The following FAM234B variants were observed in gnomAD, a reference collection of about 807,000 sequenced individuals.
FAM234B encodes family with sequence similarity 234 member B.
In FAM234B, 33 loss-of-function variants were observed where a neutral mutation model predicts 69.3. The observed-to-expected ratio is 0.48, with a 90% confidence interval of 0.36 to 0.64. The LOEUF (loss-of-function observed/expected upper bound fraction) is 0.64. FAM234B is among the 30% of genes least tolerant of loss of function. FAM234B has a pLI of 0.00. For synonymous variants in FAM234B, 306 were observed against 306.9 expected (o/e 1.00, Z 0.03); for missense variants, 697 against 769.7 (o/e 0.91, Z 1.12).
intron 2 of FAM234B, 124 bp from the exon 3 acceptor site, chr12:13,058,327 G>A (rs988139057): frequency 5.3e-6 from 4 of 750,550 alleles, no homozygotes; most frequent in South Asian, 1.5e-5. Context: ...AGTAGGGAGA[G>A]GTGTGTCTAC....
At chr12:13,071,443 C>A in intron 10 of FAM234B, 47 bp downstream of exon 10, 1 of 1,557,312 alleles carries the variant, frequency 6.4e-7, no homozygotes, top group Non-Finnish European at 8.8e-7. Flanking sequence ...CAGATGGCAG[C>A]TGCTGTGCAG....
At chr12:13,063,543 G>C (rs1030972914) in intron 5 of FAM234B, among the ~76,000 whole-genome samples, 1 of 152,178 alleles carries the variant, frequency 6.6e-6, no homozygotes. Context: ...AAAGAAAGGA[G>C]TGTCATAATC....
intron 1 of FAM234B, among the ~76,000 whole-genome samples, chr12:13,048,070 A>C (rs1359042980): frequency 6.6e-6 from 1 of 152,226 alleles, no homozygotes; most frequent in Non-Finnish European, 1.5e-5. Context: ...CTGGCCAAGA[A>C]CTGGCCCCTA....
rs574160459 is a variant in FAM234B at position 13,055,585 on chromosome 12, A to G, written c.72A>G (p.Pro24=). The change falls in exon 2 of 13, where the codon CCA becomes CCG. Residue 24 remains proline, a synonymous_variant. Coordinates refer to ENST00000197268, the MANE Select transcript of FAM234B (RefSeq NM_020853.2). ...GCCCAGACCTAGGGGAGTATGATCCACTTACCCAGGCTGACAGTGATGAGA... is the reference window on the plus strand; with the variant it reads ...GCCCAGACCTAGGGGAGTATGATCCGCTTACCCAGGCTGACAGTGATGAGA... ...KKSPDLGEYD[P]LTQADSDESE... is the part of the protein sequence containing the mutation. 1 of 1,611,648 alleles carries G rather than the reference A, an allele frequency of 6.2e-7. No homozygotes were observed. Among genetic ancestry groups the G allele is most frequent in the South Asian group, 1.1e-5 (1 of 91,052 alleles).
intron 1 of FAM234B, among the ~76,000 whole-genome samples, chr12:13,045,821 A>G (rs1864804161): frequency 6.9e-6 from 1 of 145,562 alleles, no homozygotes. Flanking sequence ...TCAGACATTT[A>G]GCTTTATTTC....
Position 13,079,869 on chromosome 12 carries a change from C to A in FAM234B, c.1723C>A (p.Leu575Met). ...GPSSEGHPAALVVSKLSLRWA... is the reference protein window; with the variant it reads ...GPSSEGHPAAMVVSKLSLRWA... ...AAGCTCCGAAGGCCATCCAGCAGCC[C>A]TGGTGGTCAGCAAGCTTAGTCTACG... is the stretch of plus-strand genomic sequence containing the variant. The change falls in exon 12 of 13, where the codon CTG (leucine) becomes ATG (methionine). Residue 575 changes from leucine to methionine, a missense_variant. Around this residue, in one of 3 missense-constraint regions of FAM234B, gnomAD observed 313 missense variants for 305.5 expected, o/e 1.02. Transcript: ENST00000197268. The A allele has an allele frequency of 1.2e-6, 2 of 1,614,084 alleles. No homozygotes were observed. Among genetic ancestry groups the A allele is most frequent in the Non-Finnish European group, 1.7e-6 (2 of 1,179,980 alleles).
rs750265649 is a variant in FAM234B at position 13,055,821 on chromosome 12, G to A, written c.308G>A (p.Arg103His). The change falls in exon 2 of 13, where the codon CGC becomes CAC. Residue 103 changes from arginine to histidine, a missense_variant. Arg to His is a conservative substitution (Grantham distance 29). Coordinates refer to ENST00000197268, the MANE Select transcript of FAM234B (RefSeq NM_020853.2). ...KAASSLVSYV[R>H]TSVFLLTLGI... is the part of the protein sequence containing the mutation. ...GCCTCCTCCCTGGTGTCATATGTGC[G>A]CACGTCTGTCTTCCTGCTGACTTTG... 2.8e-5 allele frequency: 45 copies of A among 1,614,002 alleles called. No individual in the cohort carries two copies. The highest frequency in any genetic ancestry group is 7.7e-5 in the South Asian group (7 of 91,086).
intron 10 of FAM234B, 52 bp from the exon 11 acceptor site, chr12:13,075,974 G>T (rs997251053): frequency 3.1e-6 from 4 of 1,279,688 alleles, no homozygotes; most frequent in Non-Finnish European, 4.6e-6. Flanking sequence ...GGACTGTCAC[G>T]TGTGGGAATG....
chr12:13,062,867 C>T lies in FAM234B; in HGVS notation c.744C>T (p.Asn248=), dbSNP rs1403724048. The part of the protein sequence containing the change: ...ATSGKAIWTL[N]PNYLSNGTLA... ...CAGGGAAAGCCATTTGGACTTTAAA[C>T]CCAAACTACTTGTCCAACGGTACCT... is the stretch of plus-strand genomic sequence containing the variant. Residue 248 remains asparagine (N), a synonymous_variant, in exon 5 of 13, where the codon AAC becomes AAT. Coordinates refer to ENST00000197268, the MANE Select transcript of FAM234B (RefSeq NM_020853.2). The T allele has an allele frequency of 2.5e-6, 4 of 1,614,008 alleles. No individual in the cohort carries two copies. The Admixed American group carries it at 6.7e-5, about 27-fold the overall frequency.
chr12:13,053,218 T>G (rs1293985221), intron 1 of FAM234B, among the ~76,000 whole-genome samples: 1 of 151,740 alleles, frequency 6.6e-6, no homozygotes, highest in Non-Finnish European at 1.5e-5. Context: ...GATGACAGAT[T>G]ATTCAGTATT....
At chr12:13,079,728 C>T in intron 11 of FAM234B, 61 bp from the exon 12 acceptor site, 1 of 1,028,510 alleles carries the variant, frequency 9.7e-7, no homozygotes, top group Admixed American at 1.8e-5. Context: ...AACCAAACCC[C>T]TCTCCTGTTA....
rs1864920164 is a variant in FAM234B, at chr12:13,055,666, G to T, written c.153G>T (p.Lys51Asn). The change falls in exon 2 of 13, where the codon AAG becomes AAT. Residue 51 changes from lysine (K) to asparagine (N), a missense_variant. This residue lies in a region of FAM234B where 380 missense variants were observed against 447.1 expected (regional missense o/e 0.85). Transcript: ENST00000197268. The part of the protein sequence containing the change: ...LQKNGGVKNG[K>N]SPLGEAPEPD... ...AGAATGGAGGGGTCAAAAATGGGAA[G>T]AGTCCTTTGGGAGAAGCGCCAGAAC... The T allele has an allele frequency of 6.2e-7, 1 of 1,614,246 alleles. No homozygotes were observed. Among genetic ancestry groups the T allele is most frequent in the East Asian group, 2.2e-5 (1 of 44,886 alleles).
In FAM234B at chr12:13,068,508, T is replaced by G. The variant is rs1591600609; in HGVS notation, c.1286+61T>G. The G allele has an allele frequency of 9.4e-6, 15 of 1,601,470 alleles. No homozygotes were observed. The East Asian group carries it at 3.4e-4, about 36-fold the overall frequency. On this transcript the variant is annotated intron_variant, in intron 8 of 12. Transcript: ENST00000197268. ...GATCCACTTTCCCATGTTTAAAAAT[T>G]GTCCAGGACAATTGCTTGCAATTCT...
At chr12:13,061,869 C>G in intron 4 of FAM234B, 106 bp downstream of exon 4, 1 of 846,366 alleles carries the variant, frequency 1.2e-6, no homozygotes, top group Admixed American at 2.6e-5. Context: ...GGTGGAGTAT[C>G]TGATTTACTG....
At chr12:13,075,989 G>C in intron 10 of FAM234B, 37 bp from the exon 11 acceptor site, 1 of 1,462,208 alleles carries the variant, frequency 6.8e-7, no homozygotes, top group Admixed American at 1.7e-5. Context: ...GGAATGTAGC[G>C]TTACCTTTGC....
At chr12:13,066,531 T>G in intron 5 of FAM234B, 109 bp from the exon 6 acceptor site, 4 of 1,186,694 alleles carry the variant, frequency 3.4e-6, no homozygotes, top group Non-Finnish European at 4.6e-6. Context: ...CTTGGGGGAG[T>G]GTTTCTGAGC....
At position 13,061,611 on chromosome 12, in the gene FAM234B, C is replaced by T. The variant is rs138746636; in HGVS notation, c.569C>T (p.Ser190Leu). The T allele has an allele frequency of 4.4e-5, 71 of 1,613,564 alleles. No homozygotes were observed. The highest frequency in any genetic ancestry group is 1.7e-4 in the African/African-American group (13 of 74,896). Reference sequence around the variant, plus strand: ...CCAGCTGCTAATCTTGTATGCCTTTCGGGGATGAATGGCAGCACACTGTGG... The same window carrying T: ...CCAGCTGCTAATCTTGTATGCCTTTTGGGGATGAATGGCAGCACACTGTGG... ...SRPAANLVCL[S>L]GMNGSTLWSS... Residue 190 changes from serine to leucine, a missense_variant, in exon 4 of 13, where the codon TCG becomes TTG. By Grantham distance (145) the Ser-to-Leu change is moderately radical. Around this residue, in one of 3 missense-constraint regions of FAM234B, gnomAD observed 380 missense variants for 447.1 expected, o/e 0.85. Coordinates refer to ENST00000197268, the MANE Select transcript of FAM234B (RefSeq NM_020853.2).
At chr12:13,063,190 T>C (rs531257907) in intron 5 of FAM234B, among the ~76,000 whole-genome samples, 1 of 152,274 alleles carries the variant, frequency 6.6e-6, no homozygotes, top group Admixed American at 6.5e-5. Context: ...TGGGGTGTAG[T>C]GGAGCTTTAG....
In FAM234B at chr12:13,062,995, T is replaced by C. The variant is rs769618065; in HGVS notation, c.852+20T>C. On this transcript the variant is annotated intron_variant, in intron 5 of 12. Transcript: ENST00000197268. ...TTGCAGGTATGATCTCTATTAAATG[T>C]TTTTTGTTTCTTATAGGGACTGCTT... is the stretch of plus-strand genomic sequence containing the variant. The C allele has an allele frequency of 6.2e-7, 1 of 1,611,974 alleles. No homozygotes were observed. Among genetic ancestry groups the C allele is most frequent in the Non-Finnish European group, 8.5e-7 (1 of 1,178,774 alleles).
Sources: gnomAD v4.1 joint callset for allele counts (sites outside exome capture counted in the v4.1 genomes callset) on GRCh38, gnomAD v4.1.1 for gene constraint, gnomAD v4.1.1 regional missense constraint, MANE v1.5 for transcripts, NCBI Gene and HGNC (gene_info 2026-07-23, HGNC 2026-07-21) for gene names.